PLA2G4E: variants seen among roughly 807,000 people sequenced by gnomAD.
The protein encoded by PLA2G4E is phospholipase A2 group IVE.
PLA2G4E carries 84 observed loss-of-function variants against 109.1 expected under a neutral mutation model. The ratio of observed to expected loss-of-function variants is 0.77; its 90% CI spans 0.65 to 0.92. The LOEUF (loss-of-function observed/expected upper bound fraction) is 0.92. PLA2G4E is among the 40% of genes least tolerant of loss of function. PLA2G4E has a pLI of 0.00. For missense variants in PLA2G4E, 1,057 were observed against 1,076.6 expected, an observed-to-expected ratio of 0.98 and a Z score of 0.25; for synonymous variants, 469 against 436.1, an observed-to-expected ratio of 1.08 and a Z score of -0.94.
chr15:42,019,831 C>A (rs1474879523), intron 1 of PLA2G4E, among the ~76,000 whole-genome samples: 1 of 152,172 alleles, frequency 6.6e-6, no homozygotes, highest in Non-Finnish European at 1.5e-5. Flanking sequence ...CAACATGGAC[C>A]CTCCAGGCCT....
chr15:42,006,107 C>T (rs2068474231), exon 4 of PLA2G4E: 1 of 1,613,704 alleles, frequency 6.2e-7, no homozygotes, highest in Admixed American at 1.7e-5. Flanking sequence ...CACAGACACT[C>T]AACTCTAGCA....
intron 1 of PLA2G4E, among the ~76,000 whole-genome samples, chr15:42,041,261 G>A (rs189597090): frequency 1.3e-4 from 20 of 152,188 alleles, no homozygotes; most frequent in Admixed American, 3.3e-4. Context: ...TTTTGTTGTT[G>A]TTATTTGCCT....
Position 42,005,879 on chromosome 15 carries a change from C to T in PLA2G4E, c.525+111G>A, listed in dbSNP as rs79696418. ...TTAAACCAGCAGCACCATCTTTTCT[C>T]AACTTGACTGTGTACACAGAGAAGA... On this transcript the variant is annotated intron_variant, in intron 4 of 19. Coordinates refer to ENST00000399518, the Ensembl canonical transcript of PLA2G4E. 1.5e-3 allele frequency: 1,951 copies of T among 1,320,248 alleles called. 10 individuals are homozygous for T. The highest frequency in any genetic ancestry group is 0.014 in the African/African-American group (939 of 68,116). The allele number at this position is 1,320,248 out of a possible 1,614,324, so 81.8% of individuals were successfully genotyped here.
chr15:41,988,625 AAGG>A (rs1026078162), intron 15 of PLA2G4E, among the ~76,000 whole-genome samples: 1 of 152,206 alleles, frequency 6.6e-6, no homozygotes, highest in Non-Finnish European at 1.5e-5. Context: ...CTAATTAACT[AAGG>A]AGAAGATGGA....
chr15:41,987,077 G>C, intron 17 of PLA2G4E, 95 bp downstream of exon 17: 1 of 1,308,682 alleles, frequency 7.6e-7, no homozygotes, highest in Non-Finnish European at 1.1e-6. Context: ...CATAGCCAGA[G>C]AAGTTTTCTT....
chr15:42,009,638 G>A (rs568726243), intron 2 of PLA2G4E, among the ~76,000 whole-genome samples: 49 of 152,214 alleles, frequency 3.2e-4, no homozygotes, highest in Admixed American at 2.9e-3. Context: ...CTGTGTGTGC[G>A]AGCATGTGTA....
chr15:42,015,883 T>A (rs948312390), intron 1 of PLA2G4E, among the ~76,000 whole-genome samples: 2 of 152,246 alleles, frequency 1.3e-5, no homozygotes, highest in East Asian at 1.9e-4. Context: ...TCTCTTCAGG[T>A]GTCCTGGTTC....
intron 1 of PLA2G4E, among the ~76,000 whole-genome samples, chr15:42,047,439 A>C (rs552118876): frequency 6.7e-6 from 1 of 149,702 alleles, no homozygotes; most frequent in East Asian, 2.0e-4. Context: ...TAACAATCCC[A>C]CTCTCAGTGA....
chr15:41,997,393 C>T (rs1234294123), intron 10 of PLA2G4E, 134 bp from the exon 11 acceptor site: 1 of 1,021,514 alleles, frequency 9.8e-7, no homozygotes, highest in Non-Finnish European at 1.3e-6. Flanking sequence ...TGGGTCTCCA[C>T]TTTCCCATCT....
intron 1 of PLA2G4E, among the ~76,000 whole-genome samples, chr15:42,024,858 T>C (rs1297840207): frequency 6.6e-6 from 1 of 152,140 alleles, no homozygotes; most frequent in East Asian, 1.9e-4. Flanking sequence ...ATATACGGAA[T>C]TTTAGCATAC....
At chr15:41,988,015 C>T in intron 16 of PLA2G4E, 34 bp downstream of exon 16, 1 of 1,512,474 alleles carries the variant, frequency 6.6e-7, no homozygotes, top group Non-Finnish European at 9.0e-7. Context: ...TGTCACCCAT[C>T]ACCCAGCCAT....
At chr15:42,048,298 T>C (rs368970441) in intron 1 of PLA2G4E, among the ~76,000 whole-genome samples, 3 of 152,204 alleles carry the variant, frequency 2.0e-5, no homozygotes, top group Admixed American at 1.3e-4. Context: ...GTTTGCAAAA[T>C]GATGAAATTG....
chr15:41,985,813 G>A (rs746152750), intron 18 of PLA2G4E, 26 bp downstream of exon 18: 2 of 1,596,982 alleles, frequency 1.3e-6, no homozygotes, highest in African/African-American at 1.3e-5. Context: ...TGCAGCCCAT[G>A]CTCAGGAGGG....
Position 42,013,896 on chromosome 15 carries a change from T to G in PLA2G4E, c.184-139A>C, listed in dbSNP as rs1312143783. 34 of 615,312 alleles carry G rather than the reference T, an allele frequency of 5.5e-5. No homozygotes were observed. In the Admixed American group the frequency reaches 1.0e-3, roughly 18 times the overall value. 38.1% of individuals were successfully genotyped at this position (615,312 alleles called of 1,614,324 possible). A position where few individuals can be genotyped will look rare whatever the true frequency, so the allele number is the denominator to read the frequency against. On this transcript the variant is annotated intron_variant, in intron 1 of 19. Coordinates refer to ENST00000399518, the Ensembl canonical transcript of PLA2G4E. ...CCCCTAGGCTGGTTTTTTTTTTTTT[T>G]TTTTTTTTTTTTTTTACAGAGTTTC...
chr15:42,004,592 G>C (rs774037959), intron 5 of PLA2G4E, among the ~76,000 whole-genome samples: 6 of 152,144 alleles, frequency 3.9e-5, no homozygotes, highest in Non-Finnish European at 8.8e-5. Flanking sequence ...CTCTTTCTCA[G>C]CTGGGCCTCA....
At chr15:42,034,186 A>C (rs1889167954) in intron 1 of PLA2G4E, among the ~76,000 whole-genome samples, 1 of 152,356 alleles carries the variant, frequency 6.6e-6, no homozygotes, top group Admixed American at 6.5e-5. Context: ...CTAAAACTGG[A>C]AAGTTCCAGG....
intron 5 of PLA2G4E, among the ~76,000 whole-genome samples, chr15:42,004,015 T>C (rs993994634): frequency 6.6e-6 from 1 of 152,174 alleles, no homozygotes; most frequent in South Asian, 2.1e-4. Context: ...GTTTTCCTAA[T>C]TGAAAATGAT....
rs547723807 is a variant in PLA2G4E, at chr15:42,010,140, A to AC, written c.257-2276dup. 2,514 of 411,808 alleles carry AC rather than the reference A, an allele frequency of 6.1e-3. 172 individuals are homozygous for AC. Among genetic ancestry groups the AC allele is most frequent in the South Asian group, 0.023 (1,124 of 48,120 alleles). The allele number at this position is 411,808 out of a possible 1,614,324, so 25.5% of individuals were successfully genotyped here. A position where few individuals can be genotyped will look rare whatever the true frequency, so the allele number is the denominator to read the frequency against. On this transcript the variant is annotated intron_variant, in intron 2 of 19. Transcript: ENST00000399518. ...GCTTTTCCAGAACACTGGCCCCCCC[A>AC]CCCCGGGCCTGGACCACACCCTTCA...
At chr15:42,023,426 G>A (rs993533361) in intron 1 of PLA2G4E, among the ~76,000 whole-genome samples, 3 of 151,812 alleles carry the variant, frequency 2.0e-5, no homozygotes, top group African/African-American at 7.3e-5. Context: ...GGGGGCTATT[G>A]ATGGTTTTTG....
Sources: allele counts gnomAD v4.1 joint callset (sites outside exome capture counted in the v4.1 genomes callset), GRCh38; gene constraint gnomAD v4.1.1; transcripts MANE v1.5; gene names NCBI Gene and HGNC (gene_info 2026-07-23, HGNC 2026-07-21).